Variants in NRXN3 observed in about 807,000 individuals in gnomAD.
The protein encoded by NRXN3 is neurexin III.
A neutral mutation model predicts 137.6 loss-of-function variants in NRXN3; 32 were observed. The observed-to-expected ratio is 0.23, with a 90% CI of 0.18 to 0.31. NRXN3 has a LOEUF of 0.31. NRXN3 is among the 10% of genes least tolerant of loss of function. The pLI, the probability that NRXN3 is intolerant of heterozygous loss-of-function variation, is 1.00. For missense variants in NRXN3, 1,574 were observed against 2,062.5 expected (o/e 0.76, Z 4.59); for synonymous variants, 798 against 784.5 (o/e 1.02, Z -0.29).
chr14:79,063,665 C>T (rs148622722), intron 15 of NRXN3, among the ~76,000 whole-genome samples: 122 of 152,078 alleles, frequency 8.0e-4, no homozygotes, highest in African/African-American at 2.8e-3. Flanking sequence ...GGTGACGAAG[C>T]GATGTGCCAT....
chr14:78,269,050 C>T (rs889556656), intron 2 of NRXN3, among the ~76,000 whole-genome samples: 1 of 152,168 alleles, frequency 6.6e-6, no homozygotes, highest in African/African-American at 2.4e-5. Context: ...AAAGCACTTA[C>T]ATATTTGTGG....
chr14:78,325,784 G>A (rs1364838044), intron 4 of NRXN3, among the ~76,000 whole-genome samples: 1 of 152,114 alleles, frequency 6.6e-6, no homozygotes, highest in African/African-American at 2.4e-5. Flanking sequence ...ACAAACATCT[G>A]GGGCTTGACC....
At chr14:79,001,061 T>C (rs944382477) in intron 15 of NRXN3, among the ~76,000 whole-genome samples, 1 of 152,168 alleles carries the variant, frequency 6.6e-6, no homozygotes, top group Non-Finnish European at 1.5e-5. Flanking sequence ...TTTGGTTTCC[T>C]AGGTAATATT....
At chr14:78,909,585 A>T (rs1228165773) in intron 10 of NRXN3, among the ~76,000 whole-genome samples, 1 of 152,110 alleles carries the variant, frequency 6.6e-6, no homozygotes, top group Non-Finnish European at 1.5e-5. Context: ...TGCCATCCTG[A>T]TTTGACTTCT....
At chr14:78,784,077 A>G (rs1385778563) in intron 8 of NRXN3, among the ~76,000 whole-genome samples, 1 of 151,840 alleles carries the variant, frequency 6.6e-6, no homozygotes, top group Admixed American at 6.6e-5. Context: ...AAAAAAAAAA[A>G]AAAACAACAC....
intron 6 of NRXN3, among the ~76,000 whole-genome samples, chr14:78,699,911 T>A (rs1594877487): frequency 6.6e-6 from 1 of 152,124 alleles, no homozygotes; most frequent in East Asian, 2.0e-4. Flanking sequence ...AATGCATTGG[T>A]TATCACATCA....
At chr14:78,492,635 A>G (rs911455890) in intron 4 of NRXN3, among the ~76,000 whole-genome samples, 1 of 152,192 alleles carries the variant, frequency 6.6e-6, no homozygotes, top group African/African-American at 2.4e-5. Flanking sequence ...CAACCCCAGT[A>G]TAAAGCTATT....
intron 6 of NRXN3, among the ~76,000 whole-genome samples, chr14:78,692,574 A>G (rs2098182057): frequency 6.6e-6 from 1 of 152,196 alleles, no homozygotes; most frequent in Non-Finnish European, 1.5e-5. Context: ...GACTAATTAG[A>G]GTAGTACAAG....
chr14:78,219,036 G>T lies in NRXN3; in HGVS notation c.-703-23355G>T, dbSNP rs533528713. Among the ~76,000 whole-genome samples the T allele has an allele frequency of 1.4e-3, 208 of 152,192 alleles. 2 individuals are homozygous for T. The highest frequency in any genetic ancestry group is 4.8e-3 in the African/African-American group (200 of 41,504). On this transcript the variant is annotated intron_variant, in intron 1 of 20. Coordinates refer to ENST00000335750, the MANE Select transcript of NRXN3 (RefSeq NM_001330195.2). ...GTGTCCAAGTCACCACTTGTTATAAGGACACCAGTTAGATTGGATTAGGGC... is the reference window on the plus strand; with the variant it reads ...GTGTCCAAGTCACCACTTGTTATAATGACACCAGTTAGATTGGATTAGGGC...
chr14:78,664,371 A>T (rs1283641438), intron 6 of NRXN3, among the ~76,000 whole-genome samples: 1 of 151,958 alleles, frequency 6.6e-6, no homozygotes, highest in Non-Finnish European at 1.5e-5. Context: ...CCCTTTAAAG[A>T]TTCCCTCTCT....
At chr14:79,451,512 T>C (rs1451021962) in intron 15 of NRXN3, among the ~76,000 whole-genome samples, 1 of 152,198 alleles carries the variant, frequency 6.6e-6, no homozygotes, top group African/African-American at 2.4e-5. Flanking sequence ...ATCATGGAAA[T>C]TGGGTCATCA....
Position 78,956,674 on chromosome 14 carries a change from A to G in NRXN3, c.2276-568A>G, listed in dbSNP as rs538943667. Among the ~76,000 whole-genome samples, 3 of 152,286 alleles carry G rather than the reference A, an allele frequency of 2.0e-5. No individual in the cohort carries two copies. The South Asian group carries it at 6.2e-4, about 32-fold the overall frequency. On this transcript the variant is annotated intron_variant, in intron 10 of 20. Transcript: ENST00000335750. The stretch of plus-strand genomic sequence containing the variant: ...TATTTATGATGGGGTTTAAAACTTG[A>G]CAGTATTACTATTGTAATGCTTACT...
chr14:78,808,422 C>T (rs1362076524), intron 9 of NRXN3, among the ~76,000 whole-genome samples: 1 of 152,184 alleles, frequency 6.6e-6, no homozygotes, highest in Non-Finnish European at 1.5e-5. Context: ...GCTCACTCTT[C>T]CTCTCATAAG....
chr14:79,683,987 A>G (rs531224059), intron 17 of NRXN3, among the ~76,000 whole-genome samples: 2 of 152,250 alleles, frequency 1.3e-5, no homozygotes, highest in South Asian at 4.2e-4. Context: ...ATCAAACCTC[A>G]CCTCTTACAC....
At chr14:78,845,125 T>C (rs1234905076) in intron 10 of NRXN3, among the ~76,000 whole-genome samples, 1 of 152,102 alleles carries the variant, frequency 6.6e-6, no homozygotes, top group African/African-American at 2.4e-5. Context: ...AGTATAGAAT[T>C]TATCATCCAC....
At chr14:79,150,976 G>T (rs1385894432) in intron 15 of NRXN3, among the ~76,000 whole-genome samples, 3 of 151,978 alleles carry the variant, frequency 2.0e-5, no homozygotes. Context: ...ACTAGTTTTC[G>T]AGGGTCTTCT....
intron 19 of NRXN3, among the ~76,000 whole-genome samples, chr14:79,800,631 C>A (rs1441431656): frequency 6.6e-6 from 1 of 152,178 alleles, no homozygotes; most frequent in Admixed American, 6.5e-5. Context: ...TATTCTGAGT[C>A]TGAGTCTATC....
chr14:78,897,896 T>C (rs948058672), intron 10 of NRXN3, among the ~76,000 whole-genome samples: 1 of 151,962 alleles, frequency 6.6e-6, no homozygotes, highest in African/African-American at 2.4e-5. Context: ...AATTTATGCT[T>C]AGCAATCTTT....
In NRXN3 at chr14:78,369,204, G is replaced by A. The variant is rs146686260; in HGVS notation, c.757+71344G>A. 7.2e-5 allele frequency among the ~76,000 whole-genome samples: 11 copies of A among 152,062 alleles called. No individual in the cohort carries two copies. In the East Asian group the frequency reaches 2.1e-3, roughly 29 times the overall value. ...CCATTTTATAAATGAGAAAAATAAG[G>A]CTCAGAGAGATTAAATCATATATCC... On this transcript the variant is annotated intron_variant, in intron 4 of 20. Coordinates refer to ENST00000335750, the MANE Select transcript of NRXN3 (RefSeq NM_001330195.2).
Sources: gnomAD v4.1 joint callset for allele counts (sites outside exome capture counted in the v4.1 genomes callset) on GRCh38, gnomAD v4.1.1 for gene constraint, MANE v1.5 for transcripts, NCBI Gene and HGNC (gene_info 2026-07-23, HGNC 2026-07-21) for gene names.